WWOX: variants seen among roughly 807,000 people sequenced by gnomAD.
WWOX encodes WW domain-containing oxidoreductase.
Under a neutral mutation model 46.2 loss-of-function variants are expected in WWOX, and 69 were observed. That is an observed-to-expected ratio of 1.49 (90% confidence interval 1.23 to 1.82). The LOEUF (loss-of-function observed/expected upper bound fraction) is 1.82. Ranked by LOEUF, WWOX falls within the 40% of genes most tolerant of loss-of-function variation. The pLI, the probability that WWOX is intolerant of heterozygous loss-of-function variation, is 0.00. For missense variants in WWOX, 919 were observed against 542.6 expected (o/e 1.69, Z -6.89); for synonymous variants, 359 against 202.6 (o/e 1.77, Z -6.56).
chr16:78,971,147 C>T (rs755132523), intron 8 of WWOX, among the ~76,000 whole-genome samples: 1 of 151,926 alleles, frequency 6.6e-6, no homozygotes, highest in Non-Finnish European at 1.5e-5. Flanking sequence ...TATTCCTGAG[C>T]AATCGCTGTG....
At chr16:78,598,746 G>T (rs1476911388) in intron 8 of WWOX, among the ~76,000 whole-genome samples, 4 of 152,178 alleles carry the variant, frequency 2.6e-5, no homozygotes, top group Admixed American at 2.6e-4. Context: ...TGCCTGGAAA[G>T]GTCACTGGAG....
chr16:78,264,060 G>A lies in WWOX; in HGVS notation c.516+99771G>A, dbSNP rs1247073164. On this transcript the variant is annotated intron_variant, in intron 5 of 8. Transcript: ENST00000566780. ...CAAAATGTTCATTTATCTCTGGATG[G>A]TTTGTTTCTGGCCACCTGCCCTAAG... Among the ~76,000 whole-genome samples the A allele has an allele frequency of 2.6e-5, 3 of 113,878 alleles. No individual in the cohort carries two copies. In the East Asian group the frequency reaches 9.0e-4, roughly 34 times the overall value. 74.7% of individuals were successfully genotyped at this position (113,878 alleles called of 152,430 possible). A position where few individuals can be genotyped will look rare whatever the true frequency, so the allele number is the denominator to read the frequency against.
intron 8 of WWOX, among the ~76,000 whole-genome samples, chr16:78,742,339 GGCA>G (rs1417472559): frequency 6.6e-6 from 1 of 152,186 alleles, no homozygotes; most frequent in East Asian, 1.9e-4. Flanking sequence ...TCTGGTGAAG[GGCA>G]GCAGCAGGAC....
chr16:78,111,396 G>A (rs970433663), intron 3 of WWOX, among the ~76,000 whole-genome samples: 2 of 152,118 alleles, frequency 1.3e-5, no homozygotes, highest in Non-Finnish European at 2.9e-5. Flanking sequence ...ACATAACCTA[G>A]GAATAACTGG....
At chr16:78,182,817 G>A (rs113181401) in intron 5 of WWOX, among the ~76,000 whole-genome samples, 7,044 of 151,994 alleles carry the variant, frequency 0.046, 241 homozygotes, top group African/African-American at 0.09. Flanking sequence ...AGGGCATGGT[G>A]GCGGGTACCT....
At chr16:78,584,858 G>A (rs570963661) in intron 8 of WWOX, among the ~76,000 whole-genome samples, 2 of 152,194 alleles carry the variant, frequency 1.3e-5, no homozygotes, top group Admixed American at 1.3e-4. Context: ...GTGCACGTCG[G>A]TGCGTGTAAG....
intron 8 of WWOX, among the ~76,000 whole-genome samples, chr16:78,864,491 AC>A (rs1189159520): frequency 6.6e-6 from 1 of 151,616 alleles, no homozygotes; most frequent in African/African-American, 2.4e-5. Flanking sequence ...CTGATCTTAC[AC>A]TCCTGGGATC....
At chr16:78,535,729 A>G (rs1178764385) in intron 8 of WWOX, 1 of 152,198 alleles carries the variant, frequency 6.6e-6, no homozygotes. Context: ...GTTACAATGT[A>G]TGTTCACGAA....
At chr16:78,781,993 A>C (rs111616064) in intron 8 of WWOX, among the ~76,000 whole-genome samples, 1 of 152,154 alleles carries the variant, frequency 6.6e-6, no homozygotes, top group Non-Finnish European at 1.5e-5. Flanking sequence ...AGCACAAGCA[A>C]TTTGGTTCCA....
At position 78,769,896 on chromosome 16, in the gene WWOX, T is replaced by C. The variant is rs144437599; in HGVS notation, c.1056+337144T>C. On this transcript the variant is annotated intron_variant, in intron 8 of 8. Transcript: ENST00000566780. ...AAAAATAAAAATAAATAAAAAGTAG[T>C]TGGGCGTGTGTGGTGGAGCATGTGG... Among the ~76,000 whole-genome samples the C allele has an allele frequency of 3.7e-3, 557 of 151,622 alleles. 6 individuals are homozygous for C. Among genetic ancestry groups the C allele is most frequent in the South Asian group, 0.018 (84 of 4,782 alleles).
chr16:78,952,996 T>G (rs1296791738), intron 8 of WWOX, among the ~76,000 whole-genome samples: 2 of 149,908 alleles, frequency 1.3e-5, no homozygotes, highest in Non-Finnish European at 3.0e-5. Flanking sequence ...AATCACGCAT[T>G]TCTCTGATTT....
chr16:78,558,101 G>T (rs537284590), intron 8 of WWOX, among the ~76,000 whole-genome samples: 1 of 152,084 alleles, frequency 6.6e-6, no homozygotes, highest in Non-Finnish European at 1.5e-5. Flanking sequence ...TGAAGGCCCC[G>T]GCTCATTCTT....
intron 8 of WWOX, among the ~76,000 whole-genome samples, chr16:79,119,916 G>T (rs1295586266): frequency 6.6e-6 from 1 of 152,198 alleles, no homozygotes; most frequent in Non-Finnish European, 1.5e-5. Flanking sequence ...GGCTGGGCAG[G>T]AGAACTGCCT....
chr16:78,887,574 C>A (rs1030967010), intron 8 of WWOX, among the ~76,000 whole-genome samples: 2 of 151,272 alleles, frequency 1.3e-5, no homozygotes, highest in South Asian at 4.2e-4. Flanking sequence ...TCATTTTCTT[C>A]GGGAGTTGAA....
At chr16:78,803,729 C>T (rs1164065410) in intron 8 of WWOX, among the ~76,000 whole-genome samples, 1 of 152,168 alleles carries the variant, frequency 6.6e-6, no homozygotes, top group Admixed American at 6.5e-5. Flanking sequence ...AAAGTGCAGG[C>T]ATTTTAGGCA....
chr16:78,441,959 AGTGTGTGT>A (rs145693201), intron 8 of WWOX, among the ~76,000 whole-genome samples: 5 of 139,794 alleles, frequency 3.6e-5, no homozygotes, highest in African/African-American at 1.0e-4. Context: ...TATGCGCATG[AGTGTGTGT>A]GTGTGTGTGT....
chr16:78,549,604 A>G (rs2044128791), intron 8 of WWOX, among the ~76,000 whole-genome samples: 1 of 152,186 alleles, frequency 6.6e-6, no homozygotes, highest in Admixed American at 6.5e-5. Context: ...ATTTGATCGA[A>G]GAGCTCTTGT....
At chr16:78,205,984 C>A (rs1420383002) in intron 5 of WWOX, among the ~76,000 whole-genome samples, 2 of 151,650 alleles carry the variant, frequency 1.3e-5, no homozygotes, top group African/African-American at 4.8e-5. Flanking sequence ...TTTCCTCCCT[C>A]CCTTCCTCCC....
chr16:78,769,848 A>C (rs982687473), intron 8 of WWOX, among the ~76,000 whole-genome samples: 3 of 151,314 alleles, frequency 2.0e-5, no homozygotes, highest in Non-Finnish European at 2.9e-5. Context: ...CTCTACAAAA[A>C]ATAAAAAATA....
Sources: gnomAD v4.1 joint callset for allele counts (sites outside exome capture counted in the v4.1 genomes callset) on GRCh38, gnomAD v4.1.1 for gene constraint, MANE v1.5 for transcripts, NCBI Gene and HGNC (gene_info 2026-07-23, HGNC 2026-07-21) for gene names.